NEGR1: variants seen among roughly 807,000 people sequenced by gnomAD.
NEGR1 encodes the protein IgLON family member 4.
In NEGR1, 10 loss-of-function variants were observed where a neutral mutation model predicts 40.9. The ratio of observed to expected loss-of-function variants is 0.24; its 90% confidence interval spans 0.15 to 0.42. The LOEUF (loss-of-function observed/expected upper bound fraction) is 0.42, where lower values mean the gene tolerates loss of function less well. NEGR1 is among the 10% of genes least tolerant of loss of function. The pLI, the probability that NEGR1 is intolerant of heterozygous loss-of-function variation, is 1.00. For synonymous variants in NEGR1, 185 were observed against 166.8 expected, an observed-to-expected ratio of 1.11 and a Z score of -0.84; for missense variants, 352 against 438.9, an observed-to-expected ratio of 0.80 and a Z score of 1.77.
chr1:71,983,070 T>C (rs1163522442), intron 1 of NEGR1, among the ~76,000 whole-genome samples: 1 of 152,162 alleles, frequency 6.6e-6, no homozygotes, highest in African/African-American at 2.4e-5. Context: ...ATAAATGTTC[T>C]TTTTAAACTA....
At chr1:71,444,020 C>T (rs1646564858) in intron 6 of NEGR1, among the ~76,000 whole-genome samples, 1 of 152,272 alleles carries the variant, frequency 6.6e-6, no homozygotes, top group South Asian at 2.1e-4. Flanking sequence ...ATGTGTGCAT[C>T]ATTTATGCAT....
chr1:72,158,254 T>G (rs1651433345), intron 1 of NEGR1, among the ~76,000 whole-genome samples: 1 of 152,188 alleles, frequency 6.6e-6, no homozygotes, highest in South Asian at 2.1e-4. Context: ...TGAGGAATAT[T>G]CTATGAATAT....
intron 2 of NEGR1, among the ~76,000 whole-genome samples, chr1:71,789,652 G>T (rs887328961): frequency 1.3e-5 from 2 of 151,932 alleles, no homozygotes; most frequent in Non-Finnish European, 2.9e-5. Context: ...TTTTACTTTT[G>T]TTTTCTTGAT....
At chr1:71,704,163 T>TCA (rs3077140) in intron 3 of NEGR1, among the ~76,000 whole-genome samples, 29,391 of 141,978 alleles carry the variant, frequency 0.21, 3,069 homozygotes, top group Middle Eastern at 0.27. Flanking sequence ...TCTCTCTCTG[T>TCA]CACACACACA....
intron 3 of NEGR1, among the ~76,000 whole-genome samples, chr1:71,730,046 AGG>A (rs1654806614): frequency 6.6e-6 from 1 of 152,118 alleles, no homozygotes; most frequent in Non-Finnish European, 1.5e-5. Context: ...TCATTGAAAT[AGG>A]GGATCAGAAA....
At chr1:72,144,895 T>C (rs1650849503) in intron 1 of NEGR1, among the ~76,000 whole-genome samples, 1 of 152,098 alleles carries the variant, frequency 6.6e-6, no homozygotes, top group Admixed American at 6.6e-5. Flanking sequence ...CAAGAGGAGA[T>C]TTGATCTTGG....
At position 72,274,355 on chromosome 1, in the gene NEGR1, A is replaced by G. The variant is rs115031542; in HGVS notation, c.176+7964T>C. On this transcript the variant is annotated intron_variant, in intron 1 of 6. Coordinates refer to ENST00000357731, the MANE Select transcript of NEGR1 (RefSeq NM_173808.3). ...TTGACATAACACAAAATATAAAGTCATAGGGAAAACTTCTGGATGCCATCC... is the reference window on the plus strand; with the variant it reads ...TTGACATAACACAAAATATAAAGTCGTAGGGAAAACTTCTGGATGCCATCC... Among the ~76,000 whole-genome samples the G allele has an allele frequency of 9.4e-3, 1,424 of 152,190 alleles. 31 individuals are homozygous for G. Among genetic ancestry groups the G allele is most frequent in the African/African-American group, 0.033 (1,360 of 41,538 alleles).
intron 1 of NEGR1, among the ~76,000 whole-genome samples, chr1:71,981,744 T>G (rs1228608320): frequency 6.6e-6 from 1 of 152,068 alleles, no homozygotes; most frequent in Non-Finnish European, 1.5e-5. Flanking sequence ...AACAAGAATG[T>G]TATGTCTAAT....
intron 2 of NEGR1, among the ~76,000 whole-genome samples, chr1:71,776,629 C>T (rs956388810): frequency 6.6e-6 from 1 of 152,028 alleles, no homozygotes; most frequent in African/African-American, 2.4e-5. Context: ...TCCATGGATC[C>T]TCACTGTATG....
intron 3 of NEGR1, among the ~76,000 whole-genome samples, chr1:71,729,298 T>C (rs570669045): frequency 2.0e-5 from 3 of 152,310 alleles, no homozygotes; most frequent in African/African-American, 7.2e-5. Flanking sequence ...AATTGAAACA[T>C]CTTCTTCCTT....
At chr1:72,158,788 A>G (rs1651453035) in intron 1 of NEGR1, among the ~76,000 whole-genome samples, 1 of 152,166 alleles carries the variant, frequency 6.6e-6, no homozygotes, top group Non-Finnish European at 1.5e-5. Flanking sequence ...GATCTAAAGC[A>G]TATCTTAGTT....
intron 3 of NEGR1, among the ~76,000 whole-genome samples, chr1:71,716,397 A>C (rs957239474): frequency 4.6e-5 from 7 of 152,224 alleles, no homozygotes; most frequent in African/African-American, 1.7e-4. Flanking sequence ...ATACCAATAA[A>C]ATTGAAATTT....
chr1:71,769,462 A>G (rs1459795), intron 3 of NEGR1, among the ~76,000 whole-genome samples: 113,537 of 152,054 alleles, frequency 0.75, 44,308 homozygotes, highest in East Asian at 0.86. Flanking sequence ...TATAGTTCCC[A>G]TAATCCCCAT....
At chr1:71,413,742 A>C (rs1330100060) in intron 6 of NEGR1, among the ~76,000 whole-genome samples, 1 of 152,090 alleles carries the variant, frequency 6.6e-6, no homozygotes, top group African/African-American at 2.4e-5. Context: ...GTGGAGTGTA[A>C]GCCTTTGAGA....
intron 2 of NEGR1, among the ~76,000 whole-genome samples, chr1:71,901,901 C>G (rs991312034): frequency 6.6e-6 from 1 of 151,966 alleles, no homozygotes; most frequent in Non-Finnish European, 1.5e-5. Context: ...GAACTCATGA[C>G]CTTGTGATCT....
intron 1 of NEGR1, among the ~76,000 whole-genome samples, chr1:72,126,317 C>A (rs1201142162): frequency 2.6e-5 from 4 of 151,982 alleles, no homozygotes; most frequent in African/African-American, 9.7e-5. Context: ...AAAATATGAA[C>A]AATTGTAATA....
At chr1:72,067,145 G>C (rs1647295282) in intron 1 of NEGR1, among the ~76,000 whole-genome samples, 1 of 152,066 alleles carries the variant, frequency 6.6e-6, no homozygotes, top group African/African-American at 2.4e-5. Context: ...TATAAACATG[G>C]AAAAGATCGA....
intron 1 of NEGR1, among the ~76,000 whole-genome samples, chr1:72,257,494 T>A (rs1023450127): frequency 6.6e-6 from 1 of 152,130 alleles, no homozygotes; most frequent in Admixed American, 6.6e-5. Context: ...TATAGAAATA[T>A]ACATACGTAA....
At chr1:71,675,724 A>C (rs1652606242) in intron 4 of NEGR1, among the ~76,000 whole-genome samples, 1 of 152,092 alleles carries the variant, frequency 6.6e-6, no homozygotes, top group African/African-American at 2.4e-5. Flanking sequence ...AAAAGAAACC[A>C]AGTTCTTGTT....
Sources: gnomAD v4.1 joint callset for allele counts (sites outside exome capture counted in the v4.1 genomes callset) on GRCh38, gnomAD v4.1.1 for gene constraint, MANE v1.5 for transcripts, NCBI Gene and HGNC (gene_info 2026-07-23, HGNC 2026-07-21) for gene names.